Variants in APH1B observed in about 807,000 individuals in gnomAD.
APH1B encodes aph-1B gamma-secretase subunit.
A neutral mutation model predicts 28.2 loss-of-function variants in APH1B; 27 were observed. The observed-to-expected ratio is 0.96, with a 90% CI of 0.70 to 1.32. The LOEUF (loss-of-function observed/expected upper bound fraction) is 1.32, where lower values mean the gene tolerates loss of function less well. Ranked by LOEUF, APH1B falls within the 40% of genes most tolerant of loss-of-function variation. The pLI, the probability that APH1B is intolerant of heterozygous loss-of-function variation, is 0.00. For synonymous variants in APH1B, 141 were observed against 124.6 expected, an observed-to-expected ratio of 1.13 and a Z score of -0.88; for missense variants, 305 against 313.6, an observed-to-expected ratio of 0.97 and a Z score of 0.21.
chr15:63,291,295 T>C (rs960717786), intron 4 of APH1B, among the ~76,000 whole-genome samples: 3 of 152,202 alleles, frequency 2.0e-5, no homozygotes, highest in African/African-American at 7.2e-5. Context: ...CCTTATGCTT[T>C]AGAAGAAAAA....
chr15:63,286,251 A>G (rs183525967), intron 2 of APH1B, among the ~76,000 whole-genome samples: 162 of 152,384 alleles, frequency 1.1e-3, no homozygotes, highest in Non-Finnish European at 1.9e-3. Flanking sequence ...TGCCGAGTTC[A>G]GCAAGCAGTT....
intron 5 of APH1B, 134 bp downstream of exon 5, chr15:63,302,606 A>AAT: frequency 8.2e-7 from 1 of 1,222,538 alleles, no homozygotes; most frequent in Non-Finnish European, 1.1e-6. Flanking sequence ...TAAGTGAATG[A>AAT]ATGAGTCATG....
rs1244924733 is a variant in APH1B at position 63,309,006 on chromosome 15, A to G, written c.*3225A>G. 6 of 152,312 alleles carry G rather than the reference A, an allele frequency of 3.9e-5. No individual in the cohort carries two copies. The East Asian group carries it at 1.2e-3, about 29-fold the overall frequency. 9.4% of individuals were successfully genotyped at this position (152,312 alleles called of 1,614,324 possible). On this transcript the variant is annotated 3_prime_UTR_variant, in exon 6 of 6. Transcript: ENST00000261879. ...CTGTGTAAAATATGTAATATTTTAT[A>G]TGTTATACCATGTCATATATACTTG...
In APH1B at chr15:63,304,985, T is replaced by C. The variant is rs1470886666; in HGVS notation, c.607-629T>C. ...TTTGACAGCCCTAAGGAGATCACCT[T>C]GTTTTTACCCATCCTAGCCTCATCG... is the stretch of plus-strand genomic sequence containing the variant. On this transcript the variant is annotated intron_variant, in intron 5 of 5. Coordinates refer to ENST00000261879, the MANE Select transcript of APH1B (RefSeq NM_031301.4). The surrounding 1 kb of genome is among the most constrained non-coding windows in gnomAD (Gnocchi z 5.1). Among the ~76,000 whole-genome samples the C allele has an allele frequency of 3.9e-5, 6 of 152,210 alleles. No homozygotes were observed. The highest frequency in any genetic ancestry group is 3.9e-4 in the Admixed American group (6 of 15,282).
intron 2 of APH1B, among the ~76,000 whole-genome samples, chr15:63,286,345 TC>T (rs2038445275): frequency 2.0e-5 from 3 of 152,180 alleles, no homozygotes; most frequent in African/African-American, 2.4e-5. Flanking sequence ...TATGGGAATG[TC>T]AAAAGGTAAA....
At chr15:63,292,897 A>T (rs1045519629) in intron 4 of APH1B, among the ~76,000 whole-genome samples, 1 of 152,184 alleles carries the variant, frequency 6.6e-6, no homozygotes, top group Non-Finnish European at 1.5e-5. Context: ...GTATTGCTTC[A>T]CAGTCTCTAG....
At chr15:63,289,562 G>A (rs897741805) in intron 4 of APH1B, among the ~76,000 whole-genome samples, 1 of 152,090 alleles carries the variant, frequency 6.6e-6, no homozygotes, top group Non-Finnish European at 1.5e-5. Flanking sequence ...CCGACATGAC[G>A]CCACAAGTAG....
At chr15:63,302,049 A>G (rs1326958097) in intron 4 of APH1B, among the ~76,000 whole-genome samples, 1 of 152,238 alleles carries the variant, frequency 6.6e-6, no homozygotes, top group Non-Finnish European at 1.5e-5. Context: ...CTCACTGGGA[A>G]AAAGCTGGCT....
rs200453100 is a variant in APH1B, at chr15:63,306,422, A to T, written c.*641A>T. 1 of 152,260 alleles carries T rather than the reference A, an allele frequency of 6.6e-6. No homozygotes were observed. The highest frequency in any genetic ancestry group is 1.5e-5 in the Non-Finnish European group (1 of 68,054). 9.4% of individuals were successfully genotyped at this position (152,260 alleles called of 1,614,324 possible). On this transcript the variant is annotated 3_prime_UTR_variant, in exon 6 of 6. Transcript: ENST00000261879. ...AGCCGTATTTTTCTGAAGTGCTTCC[A>T]TTCCAGGTTTTGCTTTCTGAGGCAT...
At chr15:63,290,721 T>G (rs2152596495) in intron 4 of APH1B, among the ~76,000 whole-genome samples, 1 of 152,328 alleles carries the variant, frequency 6.6e-6, no homozygotes, top group Middle Eastern at 3.4e-3. Context: ...GTTGAATGTC[T>G]TTTTCTCCAG....
intron 4 of APH1B, among the ~76,000 whole-genome samples, chr15:63,294,868 A>G (rs1020373711): frequency 6.6e-6 from 1 of 152,230 alleles, no homozygotes; most frequent in African/African-American, 2.4e-5. Context: ...AGTGGACAAC[A>G]ATTTTAAATA....
chr15:63,297,484 C>T (rs1018130883), intron 4 of APH1B, among the ~76,000 whole-genome samples: 3 of 152,044 alleles, frequency 2.0e-5, no homozygotes, highest in Non-Finnish European at 2.9e-5. Flanking sequence ...GAGCCATGAT[C>T]GCACCATTGC....
chr15:63,287,555 C>T lies in APH1B; in HGVS notation c.478+9C>T. 6.2e-7 allele frequency: 1 copy of T among 1,612,758 alleles called. No individual in the cohort carries two copies. The highest frequency in any genetic ancestry group is 8.5e-7 in the Non-Finnish European group (1 of 1,179,228). On this transcript the variant is annotated intron_variant, in intron 4 of 5. Coordinates refer to ENST00000261879, the MANE Select transcript of APH1B (RefSeq NM_031301.4). Reference sequence around the variant, plus strand: ...ATTCTTCCTTTATTCAGGTATGTGTCTCATAGCTGTCAACATTCAGGCTTC... The same window carrying T: ...ATTCTTCCTTTATTCAGGTATGTGTTTCATAGCTGTCAACATTCAGGCTTC...
rs2038702960 is a variant in APH1B at position 63,307,852 on chromosome 15, G to A, written c.*2071G>A. On this transcript the variant is annotated 3_prime_UTR_variant, in exon 6 of 6. Transcript: ENST00000261879. ...GTAAAATCTCATTTATAAAAACTCA[G>A]ATGAGAAGAAAATTTTCTTTGATGG... is the stretch of plus-strand genomic sequence containing the variant. 1 of 152,192 alleles carries A rather than the reference G, an allele frequency of 6.6e-6. No individual in the cohort carries two copies. The highest frequency in any genetic ancestry group is 1.5e-5 in the Non-Finnish European group (1 of 68,020). 9.4% of individuals were successfully genotyped at this position (152,192 alleles called of 1,614,324 possible). A position where few individuals can be genotyped will look rare whatever the true frequency, so the allele number is the denominator to read the frequency against.
chr15:63,305,586 C>A (rs1290899290), intron 5 of APH1B, 28 bp from the exon 6 acceptor site: 1 of 1,609,768 alleles, frequency 6.2e-7, no homozygotes. Flanking sequence ...GCTGTTATTA[C>A]CCAAGCTGAT....
Position 63,305,631 on chromosome 15 carries a change from T to C in APH1B, c.624T>C (p.Tyr208=). The change falls in exon 6 of 6, where the codon TAT becomes TAC. Residue 208 remains tyrosine, a synonymous_variant. Transcript: ENST00000261879. ...LVSAQTFISS[Y]YGINLASAFI... is the part of the protein sequence containing the mutation. ...TTTTGCAGACCTTCATAAGTTCTTA[T>C]TATGGAATAAACCTGGCGTCAGCAT... 1.9e-6 allele frequency: 3 copies of C among 1,614,206 alleles called. No individual in the cohort carries two copies. The highest frequency in any genetic ancestry group is 2.5e-6 in the Non-Finnish European group (3 of 1,180,034).
At position 63,305,855 on chromosome 15, in the gene APH1B, A is replaced by AT; in HGVS notation, c.*75dup. The AT allele has an allele frequency of 6.6e-7, 1 of 1,525,994 alleles. No homozygotes were observed. The highest frequency in any genetic ancestry group is 8.8e-7 in the Non-Finnish European group (1 of 1,134,774). The allele number at this position is 1,525,994 out of a possible 1,614,324, so 94.5% of individuals were successfully genotyped here. On this transcript the variant is annotated 3_prime_UTR_variant, in exon 6 of 6. Coordinates refer to ENST00000261879, the MANE Select transcript of APH1B (RefSeq NM_031301.4). ...AGCACAACTGTGCCTTTTTCTGAAA[A>AT]TCCCTTTTTCTGGTGGAATTGAGAA... is the stretch of plus-strand genomic sequence containing the variant.
At chr15:63,292,038 A>AT in intron 4 of APH1B, 1 of 152,246 alleles carries the variant, frequency 6.6e-6, no homozygotes, top group Non-Finnish European at 1.5e-5. Context: ...AACCCAATAC[A>AT]TTTTTTATCT....
chr15:63,286,761 CT>C, intron 3 of APH1B, 133 bp downstream of exon 3: 1 of 766,566 alleles, frequency 1.3e-6, no homozygotes, highest in Non-Finnish European at 2.0e-6. Context: ...TACATATTTG[CT>C]TATTATCCCC....
Sources: gnomAD v4.1 joint callset for allele counts (sites outside exome capture counted in the v4.1 genomes callset) on GRCh38, gnomAD v4.1.1 for gene constraint, Gnocchi (gnomAD v3.1) non-coding constraint, MANE v1.5 for transcripts, NCBI Gene and HGNC (gene_info 2026-07-23, HGNC 2026-07-21) for gene names.